Variants in B9D1 observed in about 807,000 individuals in gnomAD.
B9D1 encodes B9 domain-containing protein 1.
Under a neutral mutation model 26.1 loss-of-function variants are expected in B9D1, and 20 were observed. The observed-to-expected ratio is 0.77, with a 90% CI of 0.54 to 1.12. The LOEUF (loss-of-function observed/expected upper bound fraction) is 1.12, where lower values mean the gene tolerates loss of function less well. B9D1 is among the 50% of genes most tolerant of loss of function. B9D1 has a pLI of 0.00. For missense variants in B9D1, 260 were observed against 273.7 expected (o/e 0.95, Z 0.35); for synonymous variants, 105 against 103.1 (o/e 1.02, Z -0.11).
In B9D1 at chr17:19,370,227, T is replaced by G. The variant is rs1334111030; in HGVS notation, c.-298+7632A>C. On this transcript the variant is annotated intron_variant, in intron 1 of 5. Transcript: ENST00000477478. This position sits in a 1 kb window ranked among gnomAD's most constrained non-coding sequence, Gnocchi z 5.1. ...TGTTGCAGGAACACGATTTGAGTTG[T>G]TTTTTGAAAGATTGCTCTGGCTACT... Among the ~76,000 whole-genome samples the G allele has an allele frequency of 1.3e-5, 2 of 152,240 alleles. No individual in the cohort carries two copies. Among genetic ancestry groups the G allele is most frequent in the Admixed American group, 6.5e-5 (1 of 15,284 alleles).
chr17:19,376,717 G>C (rs1007985562), intron 1 of B9D1, among the ~76,000 whole-genome samples: 1 of 151,220 alleles, frequency 6.6e-6, no homozygotes, highest in Admixed American at 6.6e-5. Context: ...AGACCAGGAG[G>C]GGGAGGTTGC....
At chr17:19,374,800 C>T (rs1912034668) in intron 1 of B9D1, among the ~76,000 whole-genome samples, 1 of 151,940 alleles carries the variant, frequency 6.6e-6, no homozygotes, top group South Asian at 2.1e-4. Context: ...TTTTGTGGAA[C>T]AGAGGATGTT....
chr17:19,360,447 G>GC, intron 1 of B9D1, 59 bp from the exon 2 acceptor site: 1 of 1,497,736 alleles, frequency 6.7e-7, no homozygotes, highest in Non-Finnish European at 9.3e-7. Context: ...CAATGCATTT[G>GC]CTAGGCAGGT....
chr17:19,362,516 C>G lies in B9D1; in HGVS notation c.54G>C (p.Glu18Asp). 1 of 1,574,540 alleles carries G rather than the reference C, an allele frequency of 6.4e-7. No homozygotes were observed. Among genetic ancestry groups the G allele is most frequent in the South Asian group, 1.2e-5 (1 of 86,206 alleles). The change falls in exon 1 of 7, where the codon GAG becomes GAC. Residue 18 changes from glutamate to aspartate, a missense_variant. Coordinates refer to ENST00000261499, the MANE Select transcript of B9D1 (RefSeq NM_015681.6). ...VFLLMVNGQV[E>D]SAQFPEYDDL... ...GTCCACGGCCGCTCACCTGGGCGCTCTCCACCTGCCCGTTGACCATGAGTA... is the reference window on the plus strand; with the variant it reads ...GTCCACGGCCGCTCACCTGGGCGCTGTCCACCTGCCCGTTGACCATGAGTA...
rs1245792676 is a variant in B9D1, at chr17:19,347,709, C to A, written c.341+75G>T. ...GACCCCAGAGCATTCCCAGCCTGAACCTAAGACAGAAAACGAGGTGAAGTC... is the reference window on the plus strand; with the variant it reads ...GACCCCAGAGCATTCCCAGCCTGAAACTAAGACAGAAAACGAGGTGAAGTC... On this transcript the variant is annotated intron_variant, in intron 4 of 6. Transcript: ENST00000261499. The surrounding 1 kb of genome is among the most constrained non-coding windows in gnomAD (Gnocchi z 4.3). 1.4e-6 allele frequency: 2 copies of A among 1,452,540 alleles called. No individual in the cohort carries two copies. Among genetic ancestry groups the A allele is most frequent in the Non-Finnish European group, 9.5e-7 (1 of 1,047,210 alleles). 90.0% of individuals were successfully genotyped at this position (1,452,540 alleles called of 1,614,324 possible). A position where few individuals can be genotyped will look rare whatever the true frequency, so the allele number is the denominator to read the frequency against.
downstream of B9D1, chr17:19,341,400 G>T: frequency 2.9e-6 from 3 of 1,051,274 alleles, no homozygotes; most frequent in South Asian, 9.7e-5. Context: ...CCCATGACAC[G>T]TGGGGCACAT....
downstream of B9D1, among the ~76,000 whole-genome samples, chr17:19,338,291 G>A (rs182208494): frequency 9.0e-4 from 137 of 152,330 alleles, no homozygotes; most frequent in Non-Finnish European, 2.6e-4. Context: ...CCCCCTGGTG[G>A]GGAGCTGGCC....
chr17:19,338,053 C>T (rs1161448676), downstream of B9D1, among the ~76,000 whole-genome samples: 1 of 152,230 alleles, frequency 6.6e-6, no homozygotes, highest in Non-Finnish European at 1.5e-5. Flanking sequence ...AGTACAGAGC[C>T]TTCTCCAGCA....
chr17:19,363,070 C>T (rs540452750), upstream of B9D1: 1 of 199,902 alleles, frequency 5.0e-6, no homozygotes, highest in East Asian at 1.5e-4. Context: ...GAGGGAGGCG[C>T]TGCAGAGCAC....
At chr17:19,337,637 C>G (rs901059269), downstream of B9D1, 10 of 1,339,442 alleles carry the variant, frequency 7.5e-6, no homozygotes, top group Non-Finnish European at 8.3e-6. Flanking sequence ...TAACACATCT[C>G]CAGGTCTCAG....
Position 19,360,360 on chromosome 17 carries a change from T to C in B9D1, c.92A>G (p.Lys31Arg). 1 of 1,613,954 alleles carries C rather than the reference T, an allele frequency of 6.2e-7. No homozygotes were observed. The highest frequency in any genetic ancestry group is 8.5e-7 in the Non-Finnish European group (1 of 1,180,018). Residue 31 changes from lysine (K) to arginine (R), a missense_variant, in exon 2 of 7, where the codon AAG becomes AGG. Physicochemically the swap from Lys to Arg is conservative, Grantham distance 26 (BLOSUM62 2). Transcript: ENST00000261499. ...GTCCTGGCCGTACACAAAGCAGTACTTGCAGTAGAGGTCATCATACTCTGG... is the reference window on the plus strand; with the variant it reads ...GTCCTGGCCGTACACAAAGCAGTACCTGCAGTAGAGGTCATCATACTCTGG... The part of the protein sequence containing the change: ...QFPEYDDLYC[K>R]YCFVYGQDWA...
At chr17:19,367,748 A>G (rs1911675949) in intron 1 of B9D1, among the ~76,000 whole-genome samples, 1 of 152,192 alleles carries the variant, frequency 6.6e-6, no homozygotes, top group Non-Finnish European at 1.5e-5. Flanking sequence ...CAAGAGCCCG[A>G]TAAATGCCCC....
At chr17:19,350,650 G>A (rs1296505819) in intron 3 of B9D1, among the ~76,000 whole-genome samples, 1 of 152,128 alleles carries the variant, frequency 6.6e-6, no homozygotes, top group African/African-American at 2.4e-5. Flanking sequence ...GAATCCAGGA[G>A]GCCGAGGTTG....
chr17:19,347,680 TG>T lies in B9D1; in HGVS notation c.341+103del. 8.4e-7 allele frequency: 1 copy of T among 1,186,122 alleles called. No homozygotes were observed. Among genetic ancestry groups the T allele is most frequent in the Non-Finnish European group, 1.2e-6 (1 of 817,534 alleles). The allele number at this position is 1,186,122 out of a possible 1,614,324, so 73.5% of individuals were successfully genotyped here. ...CACCAGGCTGAGCTGCCCAGGCCCC[TG>T]GAGACCCCAGAGCATTCCCAGCCTG... is the stretch of plus-strand genomic sequence containing the variant. On this transcript the variant is annotated intron_variant, in intron 4 of 6. Transcript: ENST00000261499. This position sits in a 1 kb window ranked among gnomAD's most constrained non-coding sequence, Gnocchi z 4.3.
In B9D1 at chr17:19,343,674, G is replaced by C. The variant is rs1033405641; in HGVS notation, c.472+116C>G. On this transcript the variant is annotated intron_variant, in intron 6 of 6. Coordinates refer to ENST00000261499, the MANE Select transcript of B9D1 (RefSeq NM_015681.6). ...CAGGCCCTCATCTGGGAACATTTGT[G>C]GGCTAGCTCCTATGTGCCTGGCAGG... The C allele has an allele frequency of 1.7e-5, 27 of 1,607,354 alleles. No homozygotes were observed. In the Admixed American group the frequency reaches 4.6e-4, roughly 27 times the overall value.
chr17:19,376,980 G>C (rs1912159639), intron 1 of B9D1, among the ~76,000 whole-genome samples: 2 of 152,060 alleles, frequency 1.3e-5, no homozygotes, highest in African/African-American at 4.8e-5. Context: ...CCTTTGAGTT[G>C]TCCCGCCCTT....
chr17:19,377,833 C>A, intron 1 of B9D1: 3 of 985,362 alleles, frequency 3.0e-6, no homozygotes, highest in Non-Finnish European at 2.4e-6. Flanking sequence ...AATCGCGGGA[C>A]AGACAAACGA....
At chr17:19,366,118 A>C (rs576756819), upstream of B9D1, among the ~76,000 whole-genome samples, 1 of 151,868 alleles carries the variant, frequency 6.6e-6, no homozygotes, top group Non-Finnish European at 1.5e-5. Context: ...GAAGCTCATT[A>C]TAAGTGGGTG....
chr17:19,355,615 G>A (rs1910236840), intron 3 of B9D1, among the ~76,000 whole-genome samples: 1 of 151,432 alleles, frequency 6.6e-6, no homozygotes, highest in Non-Finnish European at 1.5e-5. Flanking sequence ...AGATCACGAG[G>A]TCAGGAGATC....
Sources: gnomAD v4.1 joint callset for allele counts (sites outside exome capture counted in the v4.1 genomes callset) on GRCh38, gnomAD v4.1.1 for gene constraint, Gnocchi (gnomAD v3.1) non-coding constraint, MANE v1.5 for transcripts, NCBI Gene and HGNC (gene_info 2026-07-23, HGNC 2026-07-21) for gene names.